The following ANXA4 variants were observed in gnomAD, a reference collection of about 807,000 sequenced individuals.
The protein encoded by ANXA4 is annexin A4, also known as 35-beta calcimedin.
Under a neutral mutation model 49.8 loss-of-function variants are expected in ANXA4, and 39 were observed. The observed-to-expected ratio is 0.78, with a 90% CI of 0.61 to 1.02. The LOEUF (loss-of-function observed/expected upper bound fraction) is 1.02, where lower values mean the gene tolerates loss of function less well. Among genes scored for constraint, ANXA4 ranks in the 50% least tolerant of loss-of-function variants. ANXA4 has a pLI of 0.00. For missense variants in ANXA4, 360 were observed against 410.1 expected, an observed-to-expected ratio of 0.88 and a Z score of 1.05; for synonymous variants, 134 against 152.5, an observed-to-expected ratio of 0.88 and a Z score of 0.89.
chr2:69,767,049 C>T (rs1318556930), intron 1 of ANXA4, among the ~76,000 whole-genome samples: 1 of 152,168 alleles, frequency 6.6e-6, no homozygotes, highest in Non-Finnish European at 1.5e-5. Flanking sequence ...GAAAATCAAC[C>T]TTGAGTGATC....
chr2:69,771,564 G>A (rs1385450882), intron 1 of ANXA4, among the ~76,000 whole-genome samples: 3 of 152,194 alleles, frequency 2.0e-5, no homozygotes, highest in East Asian at 3.8e-4. Flanking sequence ...CTGGGTGAGA[G>A]AGGAGAATGC....
intron 2 of ANXA4, among the ~76,000 whole-genome samples, chr2:69,659,134 T>G (rs1270401771): frequency 6.6e-6 from 1 of 152,248 alleles, no homozygotes; most frequent in African/African-American, 2.4e-5. Flanking sequence ...AAAAAAAGTC[T>G]AACTTCTTTT....
intron 11 of ANXA4, 50 bp downstream of exon 11, chr2:69,819,388 C>G: frequency 7.1e-7 from 1 of 1,417,626 alleles, no homozygotes; most frequent in Non-Finnish European, 9.8e-7. Flanking sequence ...TATCTTGTGT[C>G]CACCTTCTTA....
chr2:69,773,865 C>T (rs546481713), intron 1 of ANXA4, among the ~76,000 whole-genome samples: 73 of 151,980 alleles, frequency 4.8e-4, no homozygotes, highest in Non-Finnish European at 4.0e-4. Context: ...CTCCTGACCT[C>T]GTGATTCGCC....
intron 2 of ANXA4, among the ~76,000 whole-genome samples, chr2:69,684,501 G>A (rs1483307291): frequency 1.3e-5 from 2 of 150,806 alleles, no homozygotes; most frequent in Non-Finnish European, 2.9e-5. Context: ...TAGGCAACAT[G>A]GTGAGATCCC....
At chr2:69,650,762 G>T (rs897162581) in intron 1 of ANXA4, among the ~76,000 whole-genome samples, 2 of 152,160 alleles carry the variant, frequency 1.3e-5, no homozygotes, top group African/African-American at 4.8e-5. Flanking sequence ...TAGAGCTTTT[G>T]ATCTTAAAAG....
chr2:69,719,674 A>G (rs982483624), intron 2 of ANXA4, among the ~76,000 whole-genome samples: 3 of 152,066 alleles, frequency 2.0e-5, no homozygotes, highest in African/African-American at 7.2e-5. Context: ...CCTGACCTCA[A>G]GTGATCCACC....
chr2:69,743,802 C>G (rs1670503789), intron 1 of ANXA4, among the ~76,000 whole-genome samples: 1 of 152,150 alleles, frequency 6.6e-6, no homozygotes, highest in Admixed American at 6.5e-5. Flanking sequence ...CCTAGATGTT[C>G]TTGCATTTGG....
At chr2:69,725,681 A>C (rs186115203) in intron 3 of ANXA4, among the ~76,000 whole-genome samples, 73 of 152,288 alleles carry the variant, frequency 4.8e-4, no homozygotes, top group African/African-American at 1.7e-3. Context: ...AAGAGCAAAC[A>C]GTGGGTGAAG....
intron 2 of ANXA4, among the ~76,000 whole-genome samples, chr2:69,693,921 A>G (rs1678066345): frequency 6.6e-6 from 1 of 151,810 alleles, no homozygotes; most frequent in South Asian, 2.1e-4. Context: ...CAGGTTGCAC[A>G]CCCATGAAGC....
chr2:69,818,694 G>A lies in ANXA4; in HGVS notation c.724G>A (p.Val242Ile), dbSNP rs1164413639. Residue 242 changes from valine (V) to isoleucine (I), a missense_variant and splice_region_variant, in exon 10 of 13, where the codon GTA becomes ATA. Coordinates refer to ENST00000394295, the MANE Select transcript of ANXA4 (RefSeq NM_001153.5). ...GSFEDALLAI[V>I]KCMRNKSAYF... ...CTTTGAAGATGCTCTGCTGGCTATA[G>A]GTAAGCTGGTAGGGGGAGTAGAGAA... 1 of 1,596,778 alleles carries A rather than the reference G, an allele frequency of 6.3e-7. No individual in the cohort carries two copies. The highest frequency in any genetic ancestry group is 8.6e-7 in the Non-Finnish European group (1 of 1,167,152).
intron 9 of ANXA4, chr2:69,817,432 G>A (rs1395135647): frequency 6.6e-6 from 1 of 152,180 alleles, no homozygotes; most frequent in African/African-American, 2.4e-5. Flanking sequence ...ACTCAATGGA[G>A]CAGTAATTAT....
chr2:69,741,736 G>A (rs370328158), upstream of ANXA4, among the ~76,000 whole-genome samples: 15 of 152,332 alleles, frequency 9.8e-5, no homozygotes, highest in African/African-American at 3.6e-4. Context: ...CAGGCGCAGG[G>A]AGGAACTGGC....
intron 2 of ANXA4, among the ~76,000 whole-genome samples, chr2:69,710,054 C>T (rs1678629423): frequency 7.6e-6 from 1 of 132,348 alleles, no homozygotes; most frequent in Non-Finnish European, 1.5e-5. Context: ...ATGGCGTGAA[C>T]TCAGCTCACT....
intron 3 of ANXA4, among the ~76,000 whole-genome samples, chr2:69,802,601 C>T (rs1673252894): frequency 6.6e-6 from 1 of 151,644 alleles, no homozygotes; most frequent in African/African-American, 2.4e-5. Flanking sequence ...GTCCCAGCTA[C>T]TGGGGAGGCT....
chr2:69,768,923 A>C (rs1671599556), intron 1 of ANXA4, among the ~76,000 whole-genome samples: 1 of 152,150 alleles, frequency 6.6e-6, no homozygotes. Flanking sequence ...AGAAAAGTTA[A>C]AAAACAAAAA....
At chr2:69,664,277 A>G (rs758746043) in intron 2 of ANXA4, among the ~76,000 whole-genome samples, 7 of 152,228 alleles carry the variant, frequency 4.6e-5, no homozygotes, top group Non-Finnish European at 8.8e-5. Flanking sequence ...CCTTTTTTCA[A>G]GAAGCTTTCA....
At chr2:69,759,530 T>C (rs1258189243) in intron 1 of ANXA4, among the ~76,000 whole-genome samples, 2 of 152,234 alleles carry the variant, frequency 1.3e-5, no homozygotes, top group Admixed American at 1.3e-4. Flanking sequence ...AGATTCATTA[T>C]TTTCAACACT....
chr2:69,741,642 C>A (rs1670399570), upstream of ANXA4, among the ~76,000 whole-genome samples: 1 of 152,232 alleles, frequency 6.6e-6, no homozygotes, highest in South Asian at 2.1e-4. Flanking sequence ...GCACGACCTG[C>A]CGTTGGGAGA....
Sources: gnomAD v4.1 joint callset for allele counts (sites outside exome capture counted in the v4.1 genomes callset) on GRCh38, gnomAD v4.1.1 for gene constraint, MANE v1.5 for transcripts, NCBI Gene and HGNC (gene_info 2026-07-23, HGNC 2026-07-21) for gene names.